TMEM214: variants seen among roughly 807,000 people sequenced by gnomAD.
TMEM214 encodes the protein transmembrane protein 214.
Under a neutral mutation model 89.8 loss-of-function variants are expected in TMEM214, and 71 were observed. The ratio of observed to expected loss-of-function variants is 0.79; its 90% CI spans 0.65 to 0.96. The LOEUF (loss-of-function observed/expected upper bound fraction) is 0.96, where lower values mean the gene tolerates loss of function less well. Ranked by LOEUF, TMEM214 falls within the 40% of genes least tolerant of loss-of-function variation. The pLI is 0.00. For missense variants in TMEM214, 754 were observed against 843.4 expected (o/e 0.89, Z 1.31); for synonymous variants, 332 against 349.5 (o/e 0.95, Z 0.56).
chr2:27,032,984 G>A lies in TMEM214; in HGVS notation c.-32G>A, dbSNP rs1667396673. 2.4e-6 allele frequency: 3 copies of A among 1,244,852 alleles called. No individual in the cohort carries two copies. The highest frequency in any genetic ancestry group is 3.0e-6 in the Non-Finnish European group (3 of 987,358). The allele number at this position is 1,244,852 out of a possible 1,614,324, so 77.1% of individuals were successfully genotyped here. A position where few individuals can be genotyped will look rare whatever the true frequency, so the allele number is the denominator to read the frequency against. ...GCGCTCGCGCCGGACCGGAAAGCCG[G>A]GGAAGTGGCCGAGGAGGGAGGGCTG... On this transcript the variant is annotated 5_prime_UTR_variant, in exon 1 of 17. Transcript: ENST00000238788.
Position 27,039,162 on chromosome 2 carries a change from A to C in TMEM214, c.1523A>C (p.Gln508Pro). Residue 508 changes from glutamine (Q) to proline (P), a missense_variant and splice_region_variant, in exon 13 of 17, where the codon CAG becomes CCG. Coordinates refer to ENST00000238788, the MANE Select transcript of TMEM214 (RefSeq NM_017727.5). ...GACCTCCGGTCACACAGCTCCTTCC[A>C]GGGTAAGCAGCAATGGGCAAGCGAG... Reference protein sequence around the residue: ...CHDLRSHSSFQASLTGRLLRS... With the variant: ...CHDLRSHSSFPASLTGRLLRS... 6.2e-7 allele frequency: 1 copy of C among 1,613,358 alleles called. No homozygotes were observed. Among genetic ancestry groups the C allele is most frequent in the Non-Finnish European group, 8.5e-7 (1 of 1,179,816 alleles).
intron 5 of TMEM214, 151 bp downstream of exon 5, chr2:27,036,203 C>A: frequency 1.4e-6 from 1 of 719,654 alleles, no homozygotes. Context: ...TGTGTGTGTG[C>A]TCTGGAAACA....
In TMEM214 at chr2:27,036,024, C is replaced by G. The variant is rs781147496; in HGVS notation, c.692C>G (p.Pro231Arg). ...ICIQAILQDKPKIATANLGKF... is the reference protein window; with the variant it reads ...ICIQAILQDKRKIATANLGKF... ...ATCCAGGCCATCCTGCAAGACAAGC[C>G]CAAGATTGCCACGGCAAACCTAGGC... is the stretch of plus-strand genomic sequence containing the variant. Residue 231 changes from proline (P) to arginine (R), a missense_variant, in exon 5 of 17, where the codon CCC (proline) becomes CGC (arginine). Transcript: ENST00000238788. 32 of 1,614,010 alleles carry G rather than the reference C, an allele frequency of 2.0e-5. No homozygotes were observed. In the Admixed American group the frequency reaches 3.8e-4, roughly 19 times the overall value.
At chr2:27,037,049 C>A in intron 7 of TMEM214, 28 bp from the exon 8 acceptor site, 1 of 1,595,712 alleles carries the variant, frequency 6.3e-7, no homozygotes, top group Non-Finnish European at 8.6e-7. Context: ...TGGTGGTGTC[C>A]AGCGAGCCTG....
Position 27,037,625 on chromosome 2 carries a change from G to T in TMEM214, c.1075G>T (p.Asp359Tyr), listed in dbSNP as rs746901231. ...AGTGCTGGCATTTGGAGCAAAGCCG[G>T]ATTCCACCCTGCATACCTACTTCCC... ...LKVLAFGAKP[D>Y]STLHTYFPSF... is the part of the protein sequence containing the mutation. Residue 359 changes from aspartate (D) to tyrosine (Y), a missense_variant, in exon 9 of 17, where the codon GAT becomes TAT. Physicochemically the swap from Asp to Tyr is radical, Grantham distance 160. Coordinates refer to ENST00000238788, the MANE Select transcript of TMEM214 (RefSeq NM_017727.5). 2 of 1,614,188 alleles carry T rather than the reference G, an allele frequency of 1.2e-6. No homozygotes were observed. Among genetic ancestry groups the T allele is most frequent in the South Asian group, 2.2e-5 (2 of 91,078 alleles).
Position 27,039,727 on chromosome 2 carries a change from C to T in TMEM214, c.1526-14C>T, listed in dbSNP as rs776802309. On this transcript the variant is annotated splice_polypyrimidine_tract_variant and intron_variant, in intron 13 of 16. Coordinates refer to ENST00000238788, the MANE Select transcript of TMEM214 (RefSeq NM_017727.5). The stretch of plus-strand genomic sequence containing the variant: ...CTCTCACCTCCCAGCTCACCAGAGG[C>T]CCCCTTTACTTAGCCTCCCTTACTG... 7.4e-6 allele frequency: 12 copies of T among 1,612,176 alleles called. No individual in the cohort carries two copies. Among genetic ancestry groups the T allele is most frequent in the Admixed American group, 1.7e-5 (1 of 60,010 alleles).
At chr2:27,039,208 A>G (rs1438637470) in intron 13 of TMEM214, 44 bp downstream of exon 13, 2 of 1,540,504 alleles carry the variant, frequency 1.3e-6, no homozygotes, top group African/African-American at 2.7e-5. Context: ...TGGGCGGGGC[A>G]CAGAGCTACA....
intron 7 of TMEM214, 120 bp from the exon 8 acceptor site, chr2:27,036,957 G>A (rs1374582547): frequency 1.8e-6 from 2 of 1,117,156 alleles, no homozygotes; most frequent in Non-Finnish European, 2.7e-6. Flanking sequence ...AGCTATTAAG[G>A]GCTGGCAGAT....
In TMEM214 at chr2:27,040,915, A is replaced by G; in HGVS notation, c.*78A>G. On this transcript the variant is annotated 3_prime_UTR_variant, in exon 17 of 17. Coordinates refer to ENST00000238788, the MANE Select transcript of TMEM214 (RefSeq NM_017727.5). ...AGCGGGTAGAAGGTGGCAGTTCTTC[A>G]TGGGAGTCTTTTTAACTTGGTGCCT... 3.8e-6 allele frequency: 6 copies of G among 1,562,212 alleles called. No homozygotes were observed. Among genetic ancestry groups the G allele is most frequent in the Non-Finnish European group, 4.4e-6 (5 of 1,146,464 alleles).
chr2:27,038,687 C>A lies in TMEM214; in HGVS notation c.1294-15C>A, dbSNP rs764364144. 1 of 1,612,890 alleles carries A rather than the reference C, an allele frequency of 6.2e-7. No individual in the cohort carries two copies. The highest frequency in any genetic ancestry group is 2.2e-5 in the East Asian group (1 of 44,876). On this transcript the variant is annotated splice_polypyrimidine_tract_variant and intron_variant, in intron 11 of 16. Transcript: ENST00000238788. The surrounding 1 kb of genome is among the most constrained non-coding windows in gnomAD (Gnocchi z 4.4). The stretch of plus-strand genomic sequence containing the variant: ...CTCTGGATTCCCTCACAGGCCAGAC[C>A]TTTCTTGTCCATAGGTACAGAAGTC...
Position 27,040,989 on chromosome 2 carries a change from A to G in TMEM214, c.*152A>G, listed in dbSNP as rs1667811706. 1 of 922,580 alleles carries G rather than the reference A, an allele frequency of 1.1e-6. No individual in the cohort carries two copies. The allele number at this position is 922,580 out of a possible 1,614,324, so 57.1% of individuals were successfully genotyped here. On this transcript the variant is annotated 3_prime_UTR_variant, in exon 17 of 17. Coordinates refer to ENST00000238788, the MANE Select transcript of TMEM214 (RefSeq NM_017727.5). ...CAGTTGCCTCCACCTCAGTTCTTCCATCTTTGGTGGGGACAGGGCCCAGCA... is the reference window on the plus strand; with the variant it reads ...CAGTTGCCTCCACCTCAGTTCTTCCGTCTTTGGTGGGGACAGGGCCCAGCA...
In TMEM214 at chr2:27,041,134, C is replaced by G; in HGVS notation, c.*297C>G. 1 of 330,496 alleles carries G rather than the reference C, an allele frequency of 3.0e-6. No homozygotes were observed. Among genetic ancestry groups the G allele is most frequent in the Non-Finnish European group, 5.7e-6 (1 of 176,324 alleles). The allele number at this position is 330,496 out of a possible 1,614,324, so 20.5% of individuals were successfully genotyped here. A position where few individuals can be genotyped will look rare whatever the true frequency, so the allele number is the denominator to read the frequency against. On this transcript the variant is annotated 3_prime_UTR_variant, in exon 17 of 17. Coordinates refer to ENST00000238788, the MANE Select transcript of TMEM214 (RefSeq NM_017727.5). ...CAACTCCGCCCTTGCCCTCTGCCTT[C>G]CACTTCCTTCCATCTCATTTCTAAA...
At position 27,033,093 on chromosome 2, in the gene TMEM214, C is replaced by G. The variant is rs1425279963; in HGVS notation, c.78C>G (p.Ala26=). ...KGRRPGVGAG[A]GGRGGGRNRR... ...GGCGGCCTGGGGTCGGCGCCGGCGCCGGCGGCCGAGGAGGCGGCAGGAACC... is the reference window on the plus strand; with the variant it reads ...GGCGGCCTGGGGTCGGCGCCGGCGCGGGCGGCCGAGGAGGCGGCAGGAACC... Residue 26 remains alanine, a synonymous_variant, in exon 1 of 17, where the codon GCC becomes GCG. Transcript: ENST00000238788. 8.0e-7 allele frequency: 1 copy of G among 1,247,672 alleles called. No individual in the cohort carries two copies. Among genetic ancestry groups the G allele is most frequent in the Non-Finnish European group, 1.0e-6 (1 of 987,984 alleles). The allele number at this position is 1,247,672 out of a possible 1,614,324, so 77.3% of individuals were successfully genotyped here. A position where few individuals can be genotyped will look rare whatever the true frequency, so the allele number is the denominator to read the frequency against.
At chr2:27,036,189 A>G (rs986986366) in intron 5 of TMEM214, 137 bp downstream of exon 5, 2 of 752,572 alleles carry the variant, frequency 2.7e-6, no homozygotes, top group Non-Finnish European at 4.5e-6. Context: ...ATTAGCACCT[A>G]TCCTGTGTGT....
At chr2:27,040,595 C>G in intron 16 of TMEM214, 99 bp downstream of exon 16, 1 of 1,582,842 alleles carries the variant, frequency 6.3e-7, no homozygotes, top group Non-Finnish European at 8.6e-7. Flanking sequence ...ACTGTCCTGC[C>G]CCTCGCTCCC....
chr2:27,037,601 G>A lies in TMEM214; in HGVS notation c.1051G>A (p.Val351Met), dbSNP rs1124649. The A allele has an allele frequency of 0.31, 494,443 of 1,613,758 alleles. 79,197 individuals carry two copies. Among genetic ancestry groups the A allele is most frequent in the Admixed American group, 0.44 (26,389 of 59,988 alleles). Residue 351 changes from valine (V) to methionine (M), a missense_variant, in exon 9 of 17, where the codon GTG becomes ATG. Transcript: ENST00000238788. ...QLCQLYPRLK[V>M]LAFGAKPDST... Reference sequence around the variant, plus strand: ...GTGTCAGCTCTACCCCCGACTGAAAGTGCTGGCATTTGGAGCAAAGCCGGA... The same window carrying A: ...GTGTCAGCTCTACCCCCGACTGAAAATGCTGGCATTTGGAGCAAAGCCGGA...
At position 27,035,180 on chromosome 2, in the gene TMEM214, G is replaced by T. The variant is rs377411144; in HGVS notation, c.397G>T (p.Val133Leu). ...LQKELDKSQS[V>L]FSGNPSIWLK... ...GAAGGAACTGGACAAGAGCCAGAGT[G>T]TGTTCTCTGGAAACCCATCCATATG... The change falls in exon 3 of 17, where the codon GTG becomes TTG. Residue 133 changes from valine (V) to leucine (L), a missense_variant. Physicochemically the swap from Val to Leu is conservative, Grantham distance 32 (BLOSUM62 1). Transcript: ENST00000238788. The T allele has an allele frequency of 2.5e-6, 4 of 1,614,126 alleles. No individual in the cohort carries two copies. Among genetic ancestry groups the T allele is most frequent in the African/African-American group, 2.7e-5 (2 of 75,022 alleles).
Position 27,040,051 on chromosome 2 carries a change from G to A in TMEM214, c.1644G>A (p.Pro548=), listed in dbSNP as rs113080957. 75 of 1,606,658 alleles carry A rather than the reference G, an allele frequency of 4.7e-5. No individual in the cohort carries two copies. In the East Asian group the frequency reaches 9.4e-4, roughly 20 times the overall value. Residue 548 remains proline, a synonymous_variant, in exon 15 of 17, where the codon CCG becomes CCA. Transcript: ENST00000238788. ...ACAGCTGGCTGGGGGAGACACTGCCGCTCTGGGGCTCCCACCTGCTCACCG... is the reference window on the plus strand; with the variant it reads ...ACAGCTGGCTGGGGGAGACACTGCCACTCTGGGGCTCCCACCTGCTCACCG... ...QGYSWLGETL[P]LWGSHLLTVV... is the part of the protein sequence containing the mutation.
rs1667644366 is a variant in TMEM214 at position 27,038,022 on chromosome 2, C to T, written c.1153-124C>T. 1 of 1,603,556 alleles carries T rather than the reference C, an allele frequency of 6.2e-7. No homozygotes were observed. Among genetic ancestry groups the T allele is most frequent in the South Asian group, 1.1e-5 (1 of 89,356 alleles). ...TTCTGGAGTCTTGACACTGTTTCTCCACCCCTTAGGGTGGATGTGCGGCCT... is the reference window on the plus strand; with the variant it reads ...TTCTGGAGTCTTGACACTGTTTCTCTACCCCTTAGGGTGGATGTGCGGCCT... On this transcript the variant is annotated intron_variant, in intron 9 of 16. Transcript: ENST00000238788. The surrounding 1 kb of genome is among the most constrained non-coding windows in gnomAD (Gnocchi z 4.4).
Sources: gnomAD v4.1 joint callset for allele counts on GRCh38, gnomAD v4.1.1 for gene constraint, Gnocchi (gnomAD v3.1) non-coding constraint, MANE v1.5 for transcripts, NCBI Gene and HGNC (gene_info 2026-07-23, HGNC 2026-07-21) for gene names.